Variants in THAP6 observed in about 807,000 individuals in gnomAD.
THAP6 encodes THAP domain containing 6.
A neutral mutation model predicts 20.0 loss-of-function variants in THAP6; 13 were observed. The ratio of observed to expected loss-of-function variants is 0.65; its 90% CI spans 0.42 to 1.03. THAP6 has a LOEUF of 1.03. Among genes scored for constraint, THAP6 ranks in the 50% least tolerant of loss-of-function variants. The pLI, the probability that THAP6 is intolerant of heterozygous loss-of-function variation, is 0.00. For synonymous variants in THAP6, 93 were observed against 92.2 expected (o/e 1.01, Z -0.05); for missense variants, 262 against 261.6 (o/e 1.00, Z -0.01).
intron 4 of THAP6, among the ~76,000 whole-genome samples, chr4:75,526,693 T>A (rs1456428464): frequency 3.3e-5 from 5 of 152,200 alleles, no homozygotes; most frequent in Admixed American, 6.5e-5. Context: ...TCATTGCAAG[T>A]GTCATGCTAT....
chr4:75,545,189 G>C (rs934622305), intron 3 of THAP6, among the ~76,000 whole-genome samples: 1 of 152,162 alleles, frequency 6.6e-6, no homozygotes, highest in African/African-American at 2.4e-5. Flanking sequence ...GAAGCTGACT[G>C]GTCCAAGGTC....
intron 3 of THAP6, among the ~76,000 whole-genome samples, chr4:75,521,483 T>C (rs1365300514): frequency 6.6e-6 from 1 of 152,094 alleles, no homozygotes; most frequent in Non-Finnish European, 1.5e-5. Flanking sequence ...TTAATTATTG[T>C]TACTGTATAT....
chr4:75,532,106 GAGAC>G (rs1243826521), downstream of THAP6, among the ~76,000 whole-genome samples: 1 of 152,172 alleles, frequency 6.6e-6, no homozygotes, highest in Non-Finnish European at 1.5e-5. Context: ...AGTCTCATCT[GAGAC>G]AGGGCAATTC....
At chr4:75,546,144 C>T (rs1727122603) in intron 3 of THAP6, among the ~76,000 whole-genome samples, 1 of 152,210 alleles carries the variant, frequency 6.6e-6, no homozygotes, top group Non-Finnish European at 1.5e-5. Context: ...CCAGTGTCTT[C>T]AGTTTGAGCT....
intron 2 of THAP6, among the ~76,000 whole-genome samples, chr4:75,541,224 G>T (rs938171150): frequency 7.9e-5 from 12 of 152,120 alleles, no homozygotes; most frequent in African/African-American, 2.9e-4. Context: ...AAAGTAGAAG[G>T]CAACCCAAAT....
At chr4:75,523,239 A>G (rs35381369) in intron 4 of THAP6, among the ~76,000 whole-genome samples, 12,377 of 152,104 alleles carry the variant, frequency 0.081, 693 homozygotes, top group Non-Finnish European at 0.12. Flanking sequence ...TGCCATTCCT[A>G]TGTCTTCTTT....
At position 75,528,978 on chromosome 4, in the gene THAP6, G is replaced by A. The variant is rs182632856; in HGVS notation, c.*1764G>A. ...TGAGGCAGGAGAATTGCTTGAACCCGGGAGGCGGAGATTGCAGTGAGCCAA... is the reference window on the plus strand; with the variant it reads ...TGAGGCAGGAGAATTGCTTGAACCCAGGAGGCGGAGATTGCAGTGAGCCAA... On this transcript the variant is annotated 3_prime_UTR_variant, in exon 5 of 5. Transcript: ENST00000311638. The A allele has an allele frequency of 2.5e-3, 1,244 of 490,924 alleles. 4 individuals are homozygous for A. The highest frequency in any genetic ancestry group is 2.9e-3 in the Non-Finnish European group (1,108 of 378,428). 30.4% of individuals were successfully genotyped at this position (490,924 alleles called of 1,614,324 possible). A position where few individuals can be genotyped will look rare whatever the true frequency, so the allele number is the denominator to read the frequency against.
Position 75,528,250 on chromosome 4 carries a change from A to C in THAP6, c.*1036A>C, listed in dbSNP as rs780882147. 2.0e-6 allele frequency: 2 copies of C among 985,454 alleles called. No individual in the cohort carries two copies. Among genetic ancestry groups the C allele is most frequent in the Non-Finnish European group, 2.4e-6 (2 of 829,916 alleles). The allele number at this position is 985,454 out of a possible 1,614,324, so 61.0% of individuals were successfully genotyped here. On this transcript the variant is annotated 3_prime_UTR_variant, in exon 5 of 5. Coordinates refer to ENST00000311638, the MANE Select transcript of THAP6 (RefSeq NM_144721.6). ...AACAGCAGCTTTAGAATAGCTTCTT[A>C]CTGAATATGCAAAAGAATAATTCCT...
At chr4:75,538,528 G>C (rs777564097) in intron 2 of THAP6, among the ~76,000 whole-genome samples, 12 of 152,092 alleles carry the variant, frequency 7.9e-5, no homozygotes, top group Non-Finnish European at 1.2e-4. Context: ...GAAGATGAGA[G>C]GTATAATTGG....
chr4:75,529,059 A>G lies in THAP6; in HGVS notation c.*1845A>G, dbSNP rs1726561021. ...CAGAGCAAGACTCCATCTCAAAAAAACAAAACTACTTTCATTAATTACCCA... is the reference window on the plus strand; with the variant it reads ...CAGAGCAAGACTCCATCTCAAAAAAGCAAAACTACTTTCATTAATTACCCA... On this transcript the variant is annotated 3_prime_UTR_variant, in exon 5 of 5. Coordinates refer to ENST00000311638, the MANE Select transcript of THAP6 (RefSeq NM_144721.6). 1.1e-6 allele frequency: 1 copy of G among 936,504 alleles called. No individual in the cohort carries two copies. Among genetic ancestry groups the G allele is most frequent in the Admixed American group, 6.2e-5 (1 of 16,222 alleles). 58.0% of individuals were successfully genotyped at this position (936,504 alleles called of 1,614,324 possible).
chr4:75,539,014 G>A (rs544775560), intron 2 of THAP6, among the ~76,000 whole-genome samples: 101 of 152,310 alleles, frequency 6.6e-4, no homozygotes, highest in African/African-American at 2.3e-3. Flanking sequence ...CAGGAGCCAG[G>A]AACTGTATGC....
intron 2 of THAP6, among the ~76,000 whole-genome samples, chr4:75,516,148 T>C (rs568254941): frequency 3.9e-5 from 6 of 152,334 alleles, no homozygotes; most frequent in African/African-American, 9.6e-5. Context: ...TTGTTAGATA[T>C]AATAAATCAA....
Position 75,528,826 on chromosome 4 carries a change from A to G in THAP6, c.*1612A>G. 2.1e-6 allele frequency: 2 copies of G among 948,574 alleles called. No individual in the cohort carries two copies. The highest frequency in any genetic ancestry group is 2.5e-6 in the Non-Finnish European group (2 of 796,696). 58.8% of individuals were successfully genotyped at this position (948,574 alleles called of 1,614,324 possible). A position where few individuals can be genotyped will look rare whatever the true frequency, so the allele number is the denominator to read the frequency against. Reference sequence around the variant, plus strand: ...CACTTTGGGAGGCCAAGGCAGGCAGATCACTTGAGGTCAGGGGTTCAAAAC... The same window carrying G: ...CACTTTGGGAGGCCAAGGCAGGCAGGTCACTTGAGGTCAGGGGTTCAAAAC... On this transcript the variant is annotated 3_prime_UTR_variant, in exon 5 of 5. Coordinates refer to ENST00000311638, the MANE Select transcript of THAP6 (RefSeq NM_144721.6).
At chr4:75,546,539 C>T (rs1054289336) in intron 3 of THAP6, among the ~76,000 whole-genome samples, 23 of 152,184 alleles carry the variant, frequency 1.5e-4, no homozygotes, top group African/African-American at 5.6e-4. Context: ...TTAAGCATGA[C>T]AGAGAAAGAA....
At chr4:75,540,840 T>C (rs903894998) in intron 2 of THAP6, among the ~76,000 whole-genome samples, 1 of 152,216 alleles carries the variant, frequency 6.6e-6, no homozygotes, top group African/African-American at 2.4e-5. Flanking sequence ...AAATTACCTT[T>C]GAAATCCTGA....
upstream of THAP6, chr4:75,513,923 C>T (rs1029685743): frequency 3.3e-6 from 1 of 305,542 alleles, no homozygotes; most frequent in Non-Finnish European, 6.0e-6. Flanking sequence ...ACTTCGGCAG[C>T]AAAAGACGAA....
downstream of THAP6, among the ~76,000 whole-genome samples, chr4:75,534,584 C>T (rs1431162285): frequency 6.6e-6 from 1 of 152,110 alleles, no homozygotes; most frequent in African/African-American, 2.4e-5. Context: ...AACTAAAGAG[C>T]TTCTGCACAG....
intron 3 of THAP6, among the ~76,000 whole-genome samples, chr4:75,520,132 G>A (rs1034493510): frequency 6.6e-6 from 1 of 152,150 alleles, no homozygotes; most frequent in Non-Finnish European, 1.5e-5. Context: ...ATCTTCTTTT[G>A]AGAAGTGTCT....
upstream of THAP6, chr4:75,514,196 C>A: frequency 1.9e-6 from 3 of 1,611,830 alleles, no homozygotes; most frequent in Non-Finnish European, 2.5e-6. Context: ...GAAGGCGTCA[C>A]CTTTAGGAGA....
Sources: allele counts gnomAD v4.1 joint callset (sites outside exome capture counted in the v4.1 genomes callset), GRCh38; gene constraint gnomAD v4.1.1; transcripts MANE v1.5; gene names NCBI Gene and HGNC (gene_info 2026-07-23, HGNC 2026-07-21).